The following CAMTA1 variants were observed in gnomAD, a reference collection of about 807,000 sequenced individuals.
CAMTA1 encodes the protein calmodulin-binding transcription activator 1.
A neutral mutation model predicts 170.9 loss-of-function variants in CAMTA1; 27 were observed. The observed-to-expected ratio is 0.16, with a 90% confidence interval of 0.12 to 0.22. The LOEUF is 0.22. Among genes scored for constraint, CAMTA1 ranks in the 10% least tolerant of loss-of-function variants. CAMTA1 has a pLI of 1.00. For synonymous variants in CAMTA1, 833 were observed against 891.5 expected (o/e 0.93, Z 1.17); for missense variants, 1,619 against 2,217.2 (o/e 0.73, Z 5.42).
At chr1:7,263,902 A>T (rs1668524784) in intron 5 of CAMTA1, among the ~76,000 whole-genome samples, 3 of 152,156 alleles carry the variant, frequency 2.0e-5, no homozygotes, top group African/African-American at 7.2e-5. Flanking sequence ...GCTTAATTAT[A>T]CTTTCTTGAA....
chr1:7,370,914 C>CTTTTTTTTTTTTTTT lies in CAMTA1; in HGVS notation c.439-96915_439-96901dup, dbSNP rs61387662. Among the ~76,000 whole-genome samples, 302 of 109,970 alleles carry CTTTTTTTTTTTTTTT rather than the reference C, an allele frequency of 2.7e-3. 4 individuals carry two copies. The highest frequency in any genetic ancestry group is 3.6e-3 in the Non-Finnish European group (212 of 58,416). 72.1% of individuals were successfully genotyped at this position (109,970 alleles called of 152,430 possible). ...TATGGCACTTTCTTTTTCTTTCTTT[C>CTTTTTTTTTTTTTTT]TTTTTTTTTTTTTTTGAGACGGAGT... On this transcript the variant is annotated intron_variant, in intron 5 of 22. Transcript: ENST00000303635.
At chr1:7,746,238 G>T in intron 18 of CAMTA1, 147 bp downstream of exon 18, 1 of 800,088 alleles carries the variant, frequency 1.2e-6, no homozygotes, top group South Asian at 1.8e-5. Context: ...AATTTATTAA[G>T]ATTCACTATA....
At chr1:7,106,286 G>T (rs1473122643) in intron 4 of CAMTA1, among the ~76,000 whole-genome samples, 2 of 151,892 alleles carry the variant, frequency 1.3e-5, no homozygotes, top group African/African-American at 4.8e-5. Flanking sequence ...GAAAGAAGGA[G>T]AAGAAGGAGG....
At chr1:7,125,863 G>T (rs1446863976) in intron 4 of CAMTA1, among the ~76,000 whole-genome samples, 1 of 152,146 alleles carries the variant, frequency 6.6e-6, no homozygotes, top group Admixed American at 6.5e-5. Context: ...CCTCCCCAAA[G>T]CCTCAAAGCC....
intron 4 of CAMTA1, among the ~76,000 whole-genome samples, chr1:7,229,592 A>C: frequency 2.2e-5 from 1 of 46,278 alleles, no homozygotes; most frequent in Non-Finnish European, 4.2e-5. Context: ...AGAGGAGGGG[A>C]GGGCAGGAGG....
chr1:7,590,247 C>A (rs146070484), intron 6 of CAMTA1, among the ~76,000 whole-genome samples: 1 of 152,172 alleles, frequency 6.6e-6, no homozygotes. Flanking sequence ...CAAGGCCCTG[C>A]TGCTGCTATG....
intron 20 of CAMTA1, 99 bp downstream of exon 20, chr1:7,751,491 G>A: frequency 9.5e-7 from 1 of 1,049,616 alleles, no homozygotes; most frequent in Non-Finnish European, 1.4e-6. Context: ...GTCTGGGGTG[G>A]GCCTAAAGCA....
chr1:7,396,917 T>G (rs190517677), intron 5 of CAMTA1, among the ~76,000 whole-genome samples: 30 of 152,318 alleles, frequency 2.0e-4, no homozygotes, highest in Non-Finnish European at 8.8e-5. Context: ...TTGAGGACTT[T>G]TGCATCTGTT....
chr1:7,658,802 C>T (rs774286571), intron 7 of CAMTA1, among the ~76,000 whole-genome samples: 1 of 152,252 alleles, frequency 6.6e-6, no homozygotes, highest in Non-Finnish European at 1.5e-5. Flanking sequence ...TTTAAAAAGC[C>T]CCTGACCCGG....
intron 4 of CAMTA1, among the ~76,000 whole-genome samples, chr1:7,219,895 G>A (rs1183077125): frequency 6.6e-6 from 1 of 152,132 alleles, no homozygotes; most frequent in Non-Finnish European, 1.5e-5. Flanking sequence ...AAAAGAAGAG[G>A]AAGATACTAG....
At chr1:7,650,515 T>G (rs1402290900) in intron 7 of CAMTA1, among the ~76,000 whole-genome samples, 2 of 152,186 alleles carry the variant, frequency 1.3e-5, no homozygotes. Context: ...CCTGGCAGTC[T>G]GCTGGACCCT....
At chr1:7,218,584 G>A (rs1335494335) in intron 4 of CAMTA1, among the ~76,000 whole-genome samples, 2 of 152,086 alleles carry the variant, frequency 1.3e-5, no homozygotes, top group Admixed American at 6.5e-5. Context: ...ATTTGCCAAT[G>A]CTGCCCCTGC....
chr1:7,643,740 G>C (rs1272297302), intron 7 of CAMTA1, among the ~76,000 whole-genome samples: 2 of 152,256 alleles, frequency 1.3e-5, no homozygotes, highest in Non-Finnish European at 1.5e-5. Flanking sequence ...CTTGGGCTGG[G>C]GGAAGCAGAG....
chr1:7,695,198 G>C (rs2096362632), intron 11 of CAMTA1, among the ~76,000 whole-genome samples: 1 of 152,110 alleles, frequency 6.6e-6, no homozygotes, highest in Non-Finnish European at 1.5e-5. Flanking sequence ...GGTGGGACCT[G>C]ATGCCCTGGA....
chr1:6,914,024 G>A (rs1474492032), intron 3 of CAMTA1, among the ~76,000 whole-genome samples: 7 of 151,300 alleles, frequency 4.6e-5, no homozygotes, highest in African/African-American at 9.7e-5. Flanking sequence ...CAAACACACC[G>A]ACCTATTTCT....
intron 5 of CAMTA1, among the ~76,000 whole-genome samples, chr1:7,404,397 TG>T (rs1313596180): frequency 3.3e-5 from 5 of 152,372 alleles, no homozygotes; most frequent in Non-Finnish European, 7.3e-5. Flanking sequence ...AATGGGCTTC[TG>T]ATGTCCTCTG....
intron 4 of CAMTA1, among the ~76,000 whole-genome samples, chr1:7,174,556 T>A (rs1033895934): frequency 2.6e-5 from 4 of 152,178 alleles, no homozygotes; most frequent in African/African-American, 9.7e-5. Flanking sequence ...ATTCGGGAGC[T>A]GAGAGCACAT....
chr1:6,843,539 A>G (rs12058103), intron 3 of CAMTA1, among the ~76,000 whole-genome samples: 44,512 of 152,102 alleles, frequency 0.29, 6,838 homozygotes, highest in Admixed American at 0.4. Context: ...TTCCTTGAGG[A>G]TAGTTTTATT....
intron 5 of CAMTA1, among the ~76,000 whole-genome samples, chr1:7,360,092 T>G (rs1033986126): frequency 4.6e-5 from 7 of 152,160 alleles, no homozygotes; most frequent in African/African-American, 1.7e-4. Flanking sequence ...ATTCTCCCTG[T>G]GTGTGTGTCC....
Sources: gnomAD v4.1 joint callset for allele counts (sites outside exome capture counted in the v4.1 genomes callset) on GRCh38, gnomAD v4.1.1 for gene constraint, MANE v1.5 for transcripts, NCBI Gene and HGNC (gene_info 2026-07-23, HGNC 2026-07-21) for gene names.